Variants in LRRC1 observed in about 807,000 individuals in gnomAD.
The protein encoded by LRRC1 is leucine-rich repeat-containing protein 1.
Under a neutral mutation model 69.9 loss-of-function variants are expected in LRRC1, and 28 were observed. That is an observed-to-expected ratio of 0.40 (90% CI 0.30 to 0.55). The LOEUF (loss-of-function observed/expected upper bound fraction) is 0.55, where lower values mean the gene tolerates loss of function less well. Among genes scored for constraint, LRRC1 ranks in the 20% least tolerant of loss-of-function variants. The pLI is 0.47. For missense variants in LRRC1, 498 were observed against 609.0 expected, an observed-to-expected ratio of 0.82 and a Z score of 1.92; for synonymous variants, 236 against 240.2, an observed-to-expected ratio of 0.98 and a Z score of 0.16.
chr6:53,876,167 T>C (rs890129851), intron 2 of LRRC1, among the ~76,000 whole-genome samples: 3 of 152,106 alleles, frequency 2.0e-5, no homozygotes, highest in African/African-American at 7.2e-5. Flanking sequence ...GCAAGTCACA[T>C]CTTATGTGGA....
At chr6:53,917,429 A>G (rs1768602087) in intron 11 of LRRC1, among the ~76,000 whole-genome samples, 1 of 152,236 alleles carries the variant, frequency 6.6e-6, no homozygotes, top group Non-Finnish European at 1.5e-5. Flanking sequence ...GAGTTGAAAT[A>G]TGTTGATAAG....
intron 2 of LRRC1, among the ~76,000 whole-genome samples, chr6:53,847,285 A>G (rs1765979300): frequency 6.6e-6 from 1 of 152,228 alleles, no homozygotes; most frequent in Non-Finnish European, 1.5e-5. Context: ...TAAAAATCTC[A>G]TCCAAATTTT....
intron 2 of LRRC1, among the ~76,000 whole-genome samples, chr6:53,852,751 A>G (rs1766179735): frequency 6.6e-6 from 1 of 152,224 alleles, no homozygotes; most frequent in Non-Finnish European, 1.5e-5. Context: ...ATTTGAAGAT[A>G]AAAACTGGAA....
At chr6:53,845,294 A>C (rs2127417373) in intron 2 of LRRC1, among the ~76,000 whole-genome samples, 1 of 152,358 alleles carries the variant, frequency 6.6e-6, no homozygotes, top group Middle Eastern at 3.4e-3. Context: ...TAGGGGTCTT[A>C]GGCCATTTCT....
At chr6:53,843,257 C>T (rs1765843507) in intron 2 of LRRC1, among the ~76,000 whole-genome samples, 1 of 152,082 alleles carries the variant, frequency 6.6e-6, no homozygotes, top group South Asian at 2.1e-4. Context: ...CTATAGGTTT[C>T]TTCTGAATTG....
intron 1 of LRRC1, among the ~76,000 whole-genome samples, chr6:53,814,807 A>G (rs1217605705): frequency 6.6e-6 from 1 of 152,164 alleles, no homozygotes; most frequent in Non-Finnish European, 1.5e-5. Context: ...AACCTGCATT[A>G]CTGTCTTTCT....
At chr6:53,892,011 T>TATACACACAC (rs1428852703) in intron 4 of LRRC1, among the ~76,000 whole-genome samples, 2,190 of 135,256 alleles carry the variant, frequency 0.016, 21 homozygotes, top group Middle Eastern at 0.019. Context: ...TATATATATA[T>TATACACACAC]ACACACACAC....
At chr6:53,840,434 A>C (rs779004859) in intron 1 of LRRC1, among the ~76,000 whole-genome samples, 32 of 152,102 alleles carry the variant, frequency 2.1e-4, no homozygotes, top group Non-Finnish European at 3.7e-4. Flanking sequence ...CTGGAGTTCT[A>C]ACATCTTATG....
chr6:53,798,442 G>C (rs925096464), intron 1 of LRRC1, among the ~76,000 whole-genome samples: 2 of 152,116 alleles, frequency 1.3e-5, no homozygotes, highest in African/African-American at 4.8e-5. Flanking sequence ...GCAGTGGCAC[G>C]ATCTCCACTC....
intron 1 of LRRC1, among the ~76,000 whole-genome samples, chr6:53,823,841 A>G (rs1449081716): frequency 6.6e-6 from 1 of 152,224 alleles, no homozygotes; most frequent in East Asian, 1.9e-4. Flanking sequence ...TCATGGCTGC[A>G]GAGTATTCCA....
chr6:53,887,013 A>G (rs1767508139), intron 4 of LRRC1, among the ~76,000 whole-genome samples: 1 of 152,210 alleles, frequency 6.6e-6, no homozygotes, highest in Non-Finnish European at 1.5e-5. Flanking sequence ...GTGACAAGGT[A>G]CAGAGTATTG....
chr6:53,894,325 A>C (rs1404873708), intron 4 of LRRC1, among the ~76,000 whole-genome samples: 1 of 152,202 alleles, frequency 6.6e-6, no homozygotes, highest in Non-Finnish European at 1.5e-5. Flanking sequence ...CTTCTGCCTT[A>C]GCAGGCTGGT....
At chr6:53,918,791 A>T (rs1011703610) in intron 11 of LRRC1, among the ~76,000 whole-genome samples, 3 of 152,342 alleles carry the variant, frequency 2.0e-5, no homozygotes, top group African/African-American at 7.2e-5. Context: ...TAGGTGTCAC[A>T]TTATAACATT....
rs767359790 is a variant in LRRC1, at chr6:53,920,647, A to C, written c.1302A>C (p.Ala434=). ...TCQENLPRCG[A]LENLVNDVSD... ...CAGAGAATCTGCCTCGCTGTGGTGCACTGGAGAACTTGGTAAATGATGTCT... is the reference window on the plus strand; with the variant it reads ...CAGAGAATCTGCCTCGCTGTGGTGCCCTGGAGAACTTGGTAAATGATGTCT... Residue 434 remains alanine (A), a synonymous_variant, in exon 13 of 14, where the codon GCA becomes GCC. Coordinates refer to ENST00000370888, the MANE Select transcript of LRRC1 (RefSeq NM_018214.5). The C allele has an allele frequency of 1.2e-6, 2 of 1,614,194 alleles. No homozygotes were observed. Among genetic ancestry groups the C allele is most frequent in the South Asian group, 2.2e-5 (2 of 91,082 alleles).
At chr6:53,910,554 T>C (rs1354819916) in intron 10 of LRRC1, among the ~76,000 whole-genome samples, 1 of 152,172 alleles carries the variant, frequency 6.6e-6, no homozygotes, top group Non-Finnish European at 1.5e-5. Context: ...TCTAAGAACA[T>C]AGTAGGTATT....
chr6:53,795,225 C>A lies in LRRC1; in HGVS notation c.-32C>A. 6.4e-7 allele frequency: 1 copy of A among 1,570,058 alleles called. No homozygotes were observed. The highest frequency in any genetic ancestry group is 1.2e-5 in the South Asian group (1 of 86,472). ...GCTCGGAGCCCGGGTCTCCGCCGCT[C>A]GGGACCCGGCTAGGCGGCGGCGGGG... On this transcript the variant is annotated 5_prime_UTR_variant, in exon 1 of 14. Coordinates refer to ENST00000370888, the MANE Select transcript of LRRC1 (RefSeq NM_018214.5).
intron 10 of LRRC1, among the ~76,000 whole-genome samples, chr6:53,908,648 A>G (rs374198854): frequency 3.3e-5 from 5 of 152,302 alleles, no homozygotes; most frequent in African/African-American, 1.2e-4. Flanking sequence ...TGTCTACAGG[A>G]AAATTCGATT....
chr6:53,847,303 A>T (rs980052761), intron 2 of LRRC1, among the ~76,000 whole-genome samples: 2 of 152,220 alleles, frequency 1.3e-5, no homozygotes, highest in Non-Finnish European at 2.9e-5. Context: ...TTTAAAAGTC[A>T]GTTTAAAAGA....
chr6:53,882,632 C>G (rs570943486), intron 3 of LRRC1, among the ~76,000 whole-genome samples: 1 of 152,190 alleles, frequency 6.6e-6, no homozygotes, highest in South Asian at 2.1e-4. Flanking sequence ...GCATATCTTT[C>G]TACTTTAATT....
Sources: gnomAD v4.1 joint callset for allele counts (sites outside exome capture counted in the v4.1 genomes callset) on GRCh38, gnomAD v4.1.1 for gene constraint, MANE v1.5 for transcripts, NCBI Gene and HGNC (gene_info 2026-07-23, HGNC 2026-07-21) for gene names.